ST6GALNAC3: variants seen among roughly 807,000 people sequenced by gnomAD.
ST6GALNAC3 encodes the protein ST6 N-acetylgalactosaminide alpha-2,6-sialyltransferase 3.
ST6GALNAC3 carries 25 observed loss-of-function variants against 32.7 expected under a neutral mutation model. That is an observed-to-expected ratio of 0.76 (90% confidence interval 0.56 to 1.07). ST6GALNAC3 has a LOEUF of 1.07. Ranked by LOEUF, ST6GALNAC3 falls within the 50% of genes least tolerant of loss-of-function variation. ST6GALNAC3 has a pLI of 0.00. For missense variants in ST6GALNAC3, 355 were observed against 382.4 expected, an observed-to-expected ratio of 0.93 and a Z score of 0.60; for synonymous variants, 129 against 133.1, an observed-to-expected ratio of 0.97 and a Z score of 0.21.
chr1:76,140,616 C>G (rs998903671), intron 1 of ST6GALNAC3, among the ~76,000 whole-genome samples: 5 of 125,974 alleles, frequency 4.0e-5, no homozygotes, highest in Non-Finnish European at 6.4e-5. Flanking sequence ...TTCTTTCTTT[C>G]TTTTCTTTCT....
intron 3 of ST6GALNAC3, among the ~76,000 whole-genome samples, chr1:76,437,585 T>A (rs1334523303): frequency 8.9e-5 from 1 of 11,188 alleles, no homozygotes. Flanking sequence ...TTTTTCTCTT[T>A]TTTTTTTTTT....
chr1:76,164,637 T>A (rs1254858885), intron 1 of ST6GALNAC3, among the ~76,000 whole-genome samples: 2 of 152,186 alleles, frequency 1.3e-5, no homozygotes, highest in Non-Finnish European at 2.9e-5. Context: ...TTTTAAAACA[T>A]TAATATCTCA....
chr1:76,623,004 A>G (rs1447563051), intron 3 of ST6GALNAC3, among the ~76,000 whole-genome samples: 1 of 151,942 alleles, frequency 6.6e-6, no homozygotes, highest in Non-Finnish European at 1.5e-5. Flanking sequence ...CAGGCAAATG[A>G]AGGTTGCTGA....
At chr1:76,130,029 G>C (rs558404315) in intron 1 of ST6GALNAC3, among the ~76,000 whole-genome samples, 1 of 152,278 alleles carries the variant, frequency 6.6e-6, no homozygotes, top group African/African-American at 2.4e-5. Flanking sequence ...TTCCATGACT[G>C]GTTCATTAAG....
At chr1:76,116,340 A>G (rs1648476125) in intron 1 of ST6GALNAC3, among the ~76,000 whole-genome samples, 1 of 152,082 alleles carries the variant, frequency 6.6e-6, no homozygotes, top group South Asian at 2.1e-4. Context: ...AAAAAAAGAC[A>G]TGTAGGGGAC....
chr1:76,195,272 C>A (rs981484219), intron 1 of ST6GALNAC3, among the ~76,000 whole-genome samples: 7 of 152,140 alleles, frequency 4.6e-5, no homozygotes, highest in Non-Finnish European at 8.8e-5. Context: ...GTTAATTTTC[C>A]TTTCAGGAAA....
chr1:76,079,509 T>C (rs1313379424), intron 1 of ST6GALNAC3, among the ~76,000 whole-genome samples: 1 of 152,202 alleles, frequency 6.6e-6, no homozygotes. Context: ...AGACACAAGA[T>C]CCTTGAGAAT....
At chr1:76,489,977 C>A (rs1660388065) in intron 3 of ST6GALNAC3, among the ~76,000 whole-genome samples, 1 of 152,186 alleles carries the variant, frequency 6.6e-6, no homozygotes, top group African/African-American at 2.4e-5. Flanking sequence ...CGGTGTAAAT[C>A]TTCCAGACAG....
intron 3 of ST6GALNAC3, among the ~76,000 whole-genome samples, chr1:76,475,230 A>T (rs557096197): frequency 2.1e-4 from 32 of 152,320 alleles, no homozygotes; most frequent in African/African-American, 7.5e-4. Context: ...AAGAGGCTAC[A>T]GTGTAGTGTA....
At chr1:76,401,133 TTA>T (rs538334697) in intron 2 of ST6GALNAC3, among the ~76,000 whole-genome samples, 1 of 152,272 alleles carries the variant, frequency 6.6e-6, no homozygotes, top group East Asian at 1.9e-4. Context: ...TTTATCCATT[TTA>T]TCTCTTCTCT....
chr1:76,495,830 T>C (rs894611594), intron 3 of ST6GALNAC3, among the ~76,000 whole-genome samples: 3 of 152,158 alleles, frequency 2.0e-5, no homozygotes, highest in Admixed American at 2.0e-4. Flanking sequence ...AACGAAATGG[T>C]AAATCAAATA....
chr1:76,350,481 G>T (rs186128800), intron 2 of ST6GALNAC3, among the ~76,000 whole-genome samples: 149 of 152,188 alleles, frequency 9.8e-4, no homozygotes, highest in Non-Finnish European at 1.9e-3. Flanking sequence ...TTAAGAAAAA[G>T]AACATGAAAA....
At chr1:76,191,611 A>G (rs750018674) in intron 1 of ST6GALNAC3, among the ~76,000 whole-genome samples, 7 of 152,198 alleles carry the variant, frequency 4.6e-5, no homozygotes, top group Non-Finnish European at 8.8e-5. Flanking sequence ...TACAACATAT[A>G]TATGTATCAA....
chr1:76,625,020 C>T (rs1393119201), intron 3 of ST6GALNAC3, among the ~76,000 whole-genome samples: 1 of 151,934 alleles, frequency 6.6e-6, no homozygotes, highest in Non-Finnish European at 1.5e-5. Context: ...GTTCAACCAT[C>T]TCATTTTAGA....
chr1:76,583,491 A>G (rs1376840353), intron 3 of ST6GALNAC3, among the ~76,000 whole-genome samples: 1 of 152,200 alleles, frequency 6.6e-6, no homozygotes, highest in Non-Finnish European at 1.5e-5. Flanking sequence ...GAAGGGCATT[A>G]TAAAACATCC....
chr1:76,322,760 C>T (rs371991812), intron 2 of ST6GALNAC3, among the ~76,000 whole-genome samples: 6 of 151,874 alleles, frequency 4.0e-5, no homozygotes, highest in Non-Finnish European at 5.9e-5. Context: ...CCCACCCCCC[C>T]ACAAGTTTGG....
intron 3 of ST6GALNAC3, among the ~76,000 whole-genome samples, chr1:76,584,141 A>G (rs1369089935): frequency 2.0e-5 from 3 of 152,240 alleles, no homozygotes. Context: ...CATGGGGAGT[A>G]TTATAGAAGC....
intron 1 of ST6GALNAC3, among the ~76,000 whole-genome samples, chr1:76,199,487 G>T (rs960345183): frequency 1.3e-5 from 2 of 152,178 alleles, no homozygotes; most frequent in African/African-American, 4.8e-5. Context: ...TATCACCAAA[G>T]GGTTATGATG....
chr1:76,564,821 G>A (rs1447540009), intron 3 of ST6GALNAC3, among the ~76,000 whole-genome samples: 1 of 152,084 alleles, frequency 6.6e-6, no homozygotes, highest in African/African-American at 2.4e-5. Flanking sequence ...CTGACCTCAA[G>A]ATCCGCCTGC....
Sources: gnomAD v4.1 joint callset for allele counts (sites outside exome capture counted in the v4.1 genomes callset) on GRCh38, gnomAD v4.1.1 for gene constraint, MANE v1.5 for transcripts, NCBI Gene and HGNC (gene_info 2026-07-23, HGNC 2026-07-21) for gene names.